GGT1: variants seen among roughly 807,000 people sequenced by gnomAD.
GGT1 encodes the protein gamma-glutamyltransferase 1.
A neutral mutation model predicts 56.0 loss-of-function variants in GGT1; 21 were observed. The ratio of observed to expected loss-of-function variants is 0.38; its 90% confidence interval spans 0.27 to 0.54. The LOEUF is 0.54. Ranked by LOEUF, GGT1 falls within the 20% of genes least tolerant of loss-of-function variation. The pLI, the probability that GGT1 is intolerant of heterozygous loss-of-function variation, is 0.82. For synonymous variants in GGT1, 238 were observed against 342.6 expected (o/e 0.69, Z 3.37); for missense variants, 466 against 787.0 (o/e 0.59, Z 4.88).
At position 24,604,980 on chromosome 22, in the gene GGT1, C is replaced by CA. The variant is rs759765289; in HGVS notation, c.-429+1454dup. On this transcript the variant is annotated intron_variant, in intron 1 of 15. Transcript: ENST00000400382. Reference sequence around the variant, plus strand: ...GGATCTGGGCCATCCTTTGCCCACTCAGACTTTCTTTCTGCCCACCTGCTG... The same window carrying CA: ...GGATCTGGGCCATCCTTTGCCCACTCAAGACTTTCTTTCTGCCCACCTGCTG... 7.7e-4 allele frequency among the ~76,000 whole-genome samples: 98 copies of CA among 127,670 alleles called. 2 individuals are homozygous for CA. The highest frequency in any genetic ancestry group is 7.8e-4 in the Non-Finnish European group (50 of 63,970). The allele number at this position is 127,670 out of a possible 152,430, so 83.8% of individuals were successfully genotyped here.
At position 24,628,255 on chromosome 22, in the gene GGT1, A is replaced by G; in HGVS notation, c.1450-20A>G. On this transcript the variant is annotated intron_variant, in intron 14 of 15. Transcript: ENST00000400382. This position sits in a 1 kb window ranked among gnomAD's most constrained non-coding sequence, Gnocchi z 5.7. ...CCTGCACAGCCCCCAAGCCATGCTGATCACACTCCCATGCCCCAGGCCATC... is the reference window on the plus strand; with the variant it reads ...CCTGCACAGCCCCCAAGCCATGCTGGTCACACTCCCATGCCCCAGGCCATC... 6.2e-7 allele frequency: 1 copy of G among 1,611,920 alleles called. No homozygotes were observed. The highest frequency in any genetic ancestry group is 8.5e-7 in the Non-Finnish European group (1 of 1,179,824).
At chr22:24,586,559 T>C in the GGT1 span, 1 of 929,292 alleles carries the variant, frequency 1.1e-6, no homozygotes, top group Non-Finnish European at 1.6e-6. Context: ...GAGACAAAGT[T>C]TCGCTCTTTT....
chr22:24,625,380 C>T (rs2047683589), intron 11 of GGT1, among the ~76,000 whole-genome samples: 1 of 152,076 alleles, frequency 6.6e-6, no homozygotes, highest in Non-Finnish European at 1.5e-5. Context: ...CTCAAGCAAT[C>T]CTCCCACTTC....
At chr22:24,615,181 G>T in intron 7 of GGT1, 54 bp downstream of exon 7, 2 of 1,329,674 alleles carry the variant, frequency 1.5e-6, no homozygotes, top group Non-Finnish European at 2.2e-6. Context: ...GAGCCACCGG[G>T]AAGGGGCCTT....
intron 1 of GGT1, among the ~76,000 whole-genome samples, chr22:24,606,223 G>C: frequency 6.8e-6 from 1 of 148,102 alleles, no homozygotes; most frequent in Non-Finnish European, 1.5e-5. Flanking sequence ...GTGCCATGTT[G>C]GTGTGCTGCA....
upstream of GGT1, among the ~76,000 whole-genome samples, chr22:24,591,392 T>C (rs2045563245): frequency 6.6e-6 from 1 of 152,218 alleles, no homozygotes; most frequent in Non-Finnish European, 1.5e-5. Flanking sequence ...AGGGTCTCTT[T>C]AGAGGACATT....
upstream of GGT1, chr22:24,592,821 T>G (rs2045613156): frequency 5.6e-6 from 7 of 1,251,364 alleles, no homozygotes; most frequent in Admixed American, 4.2e-5. Context: ...CCCCAGACCC[T>G]CCCTGGCCGC....
upstream of GGT1, among the ~76,000 whole-genome samples, chr22:24,594,387 GTGTA>G (rs1282010731): frequency 0.017 from 2,255 of 135,574 alleles, 81 homozygotes; most frequent in African/African-American, 0.06. Context: ...AAGCACCCGT[GTGTA>G]TGTGTGTGTG....
chr22:24,588,578 C>A, the GGT1 span: 1 of 891,822 alleles, frequency 1.1e-6, no homozygotes, highest in African/African-American at 1.7e-5. Context: ...CGGGAGGAAG[C>A]CCAGACAATG....
Position 24,627,886 on chromosome 22 carries a change from A to C in GGT1, c.1243A>C (p.Ile415Leu), listed in dbSNP as rs1377325014. Residue 415 changes from isoleucine (I) to leucine (L), a missense_variant, in exon 13 of 16, where the codon ATC (isoleucine) becomes CTC (leucine). Transcript: ENST00000400382. ...CAAGGTCCGCTCCCCGGTCAGCGGG[A>C]TCCTGTTCAATAATGAAATGGACGA... ...GSKVRSPVSG[I>L]LFNNEMDDFS... The C allele has an allele frequency of 3.1e-6, 5 of 1,613,764 alleles. No individual in the cohort carries two copies. Among genetic ancestry groups the C allele is most frequent in the Non-Finnish European group, 4.2e-6 (5 of 1,179,824 alleles).
the GGT1 span, chr22:24,585,974 C>CT: frequency 6.2e-7 from 1 of 1,610,154 alleles, no homozygotes; most frequent in African/African-American, 1.3e-5. Flanking sequence ...CCCGGCCGCA[C>CT]TGCCCTCAGG....
At chr22:24,621,599 C>T (rs1283848759) in intron 9 of GGT1, among the ~76,000 whole-genome samples, 2 of 151,270 alleles carry the variant, frequency 1.3e-5, no homozygotes, top group African/African-American at 2.4e-5. Context: ...GGGTGATTAG[C>T]GTGTCGACCT....
chr22:24,596,550 A>G (rs1276235179), intron 1 of GGT1, among the ~76,000 whole-genome samples: 2 of 152,006 alleles, frequency 1.3e-5, no homozygotes, highest in Non-Finnish European at 2.9e-5. Context: ...TCAGCCTCCC[A>G]AGTAGCTGGG....
chr22:24,611,774 TG>T (rs1226775252), intron 5 of GGT1, among the ~76,000 whole-genome samples: 2 of 27,622 alleles, frequency 7.2e-5, no homozygotes, highest in Non-Finnish European at 1.2e-4. Context: ...CCAACAAATT[TG>T]TGTGTGTGTG....
upstream of GGT1, among the ~76,000 whole-genome samples, chr22:24,600,333 A>G (rs2147198288): frequency 6.6e-6 from 1 of 152,314 alleles, no homozygotes; most frequent in South Asian, 2.1e-4. Flanking sequence ...CTAGGAAGGG[A>G]AAGGCTGCTG....
chr22:24,587,712 A>G, the GGT1 span, among the ~76,000 whole-genome samples: 1 of 152,218 alleles, frequency 6.6e-6, no homozygotes, highest in Non-Finnish European at 1.5e-5. Context: ...CGGAAGCCTC[A>G]GTTTTAGGCA....
chr22:24,592,848 G>A (rs927787314), upstream of GGT1: 2 of 1,276,382 alleles, frequency 1.6e-6, no homozygotes, highest in Non-Finnish European at 2.0e-6. Flanking sequence ...AGGGGCGGAC[G>A]GCTCCTTCTC....
chr22:24,624,637 C>G (rs1223472070), intron 11 of GGT1: 2 of 954,896 alleles, frequency 2.1e-6, no homozygotes, highest in African/African-American at 3.6e-5. Context: ...TCCCTCTGCC[C>G]TCCTTTTTGG....
intron 1 of GGT1, among the ~76,000 whole-genome samples, chr22:24,595,852 C>T (rs2045684192): frequency 6.6e-6 from 1 of 152,212 alleles, no homozygotes; most frequent in Non-Finnish European, 1.5e-5. Flanking sequence ...CCCTTCTCTA[C>T]CCACCCAGTA....
Sources: allele counts gnomAD v4.1 joint callset (sites outside exome capture counted in the v4.1 genomes callset), GRCh38; gene constraint gnomAD v4.1.1; non-coding constraint Gnocchi (gnomAD v3.1); transcripts MANE v1.5; gene names NCBI Gene and HGNC (gene_info 2026-07-23, HGNC 2026-07-21).